The following SIPA1L1 variants were observed in gnomAD, a reference collection of about 807,000 sequenced individuals.
The protein encoded by SIPA1L1 is signal induced proliferation associated 1 like 1, also known as signal-induced proliferation-associated 1-like protein 1.
A neutral mutation model predicts 162.7 loss-of-function variants in SIPA1L1; 26 were observed. The ratio of observed to expected loss-of-function variants is 0.16; its 90% CI spans 0.12 to 0.22. The LOEUF is 0.22. Among genes scored for constraint, SIPA1L1 ranks in the 10% least tolerant of loss-of-function variants. The probability of loss-of-function intolerance (pLI) is 1.00; values close to 1 mark genes in which losing one functional copy is unlikely to be tolerated. For missense variants in SIPA1L1, 1,874 were observed against 2,241.0 expected, an observed-to-expected ratio of 0.84 and a Z score of 3.31; for synonymous variants, 829 against 837.4, an observed-to-expected ratio of 0.99 and a Z score of 0.17.
At chr14:71,577,841 G>T (rs569793728) in intron 4 of SIPA1L1, among the ~76,000 whole-genome samples, 89 of 145,220 alleles carry the variant, frequency 6.1e-4, no homozygotes, top group African/African-American at 2.3e-3. Context: ...AAGCAGCCCT[G>T]CCACCTCAGC....
chr14:71,623,455 A>G (rs1008303954), intron 6 of SIPA1L1, among the ~76,000 whole-genome samples: 2 of 152,228 alleles, frequency 1.3e-5, no homozygotes, highest in Admixed American at 1.3e-4. Flanking sequence ...TATTTTAAGA[A>G]GGGAAGGTAT....
chr14:71,352,565 A>G (rs1184856414), intron 2 of SIPA1L1, among the ~76,000 whole-genome samples: 1 of 152,114 alleles, frequency 6.6e-6, no homozygotes, highest in Non-Finnish European at 1.5e-5. Flanking sequence ...TGCTCTTACA[A>G]GTATTTGTAG....
intron 5 of SIPA1L1, among the ~76,000 whole-genome samples, chr14:71,595,337 T>G (rs1194273505): frequency 1.3e-5 from 2 of 152,234 alleles, no homozygotes; most frequent in Non-Finnish European, 2.9e-5. Flanking sequence ...TTTTAGAATT[T>G]GATGCCAGAA....
intron 2 of SIPA1L1, among the ~76,000 whole-genome samples, chr14:71,389,538 T>C (rs888448543): frequency 1.3e-5 from 2 of 152,228 alleles, no homozygotes; most frequent in Non-Finnish European, 2.9e-5. Flanking sequence ...ACCACTATTT[T>C]TTATATTTTG....
intron 7 of SIPA1L1, among the ~76,000 whole-genome samples, chr14:71,639,651 G>A (rs117915621): frequency 1.4e-3 from 210 of 152,314 alleles, no homozygotes; most frequent in Non-Finnish European, 2.5e-3. Context: ...TGTGGGAGAA[G>A]TTATTCTGTC....
Position 71,401,107 on chromosome 14 carries a change from A to G in SIPA1L1, c.-465+79926A>G, listed in dbSNP as rs561234002. Among the ~76,000 whole-genome samples the G allele has an allele frequency of 2.6e-5, 4 of 152,312 alleles. No homozygotes were observed. In the South Asian group the frequency reaches 6.2e-4, roughly 24 times the overall value. ...TTTTGAAAAGTAAATTTGATTGCTT[A>G]TGGGTATTCATCTTCTGATTTGTTG... On this transcript the variant is annotated intron_variant, in intron 2 of 23. Transcript: ENST00000381232.
chr14:71,650,474 G>A lies in SIPA1L1; in HGVS notation c.1958G>A (p.Gly653Glu). 1 of 1,614,154 alleles carries A rather than the reference G, an allele frequency of 6.2e-7. No homozygotes were observed. Among genetic ancestry groups the A allele is most frequent in the Non-Finnish European group, 8.5e-7 (1 of 1,180,002 alleles). Residue 653 changes from glycine to glutamate, a missense_variant, in exon 8 of 24, where the codon GGA (glycine) becomes GAA (glutamate). Gly to Glu is a moderately conservative substitution (Grantham distance 98, BLOSUM62 -2). Transcript: ENST00000381232. Reference sequence around the variant, plus strand: ...TTGGGAGAGCGAGTTCGGCTCAAAGGATTTGAGAAGTATCGAGCACAGCTT... The same window carrying A: ...TTGGGAGAGCGAGTTCGGCTCAAAGAATTTGAGAAGTATCGAGCACAGCTT... The part of the protein sequence containing the change: ...QLLGERVRLK[G>E]FEKYRAQLDT...
At chr14:71,633,230 G>A (rs953404434) in intron 7 of SIPA1L1, among the ~76,000 whole-genome samples, 3 of 152,232 alleles carry the variant, frequency 2.0e-5, no homozygotes, top group Non-Finnish European at 2.9e-5. Context: ...GCTTGATTTC[G>A]GCTCACTGCA....
chr14:71,418,333 T>C (rs1053592838), intron 2 of SIPA1L1: 3 of 152,230 alleles, frequency 2.0e-5, no homozygotes, highest in Non-Finnish European at 4.4e-5. Context: ...GGTACCATGT[T>C]GCCCACTTTC....
chr14:71,327,718 T>TC (rs1408768976), intron 2 of SIPA1L1, among the ~76,000 whole-genome samples: 1 of 152,210 alleles, frequency 6.6e-6, no homozygotes, highest in Non-Finnish European at 1.5e-5. Flanking sequence ...AAACACATGT[T>TC]CTTGAAATGT....
intron 4 of SIPA1L1, among the ~76,000 whole-genome samples, chr14:71,529,782 C>T (rs1048915961): frequency 1.2e-4 from 18 of 152,190 alleles, no homozygotes; most frequent in African/African-American, 4.1e-4. Context: ...CTGAGTGTTA[C>T]CTGGCCAGGG....
intron 2 of SIPA1L1, among the ~76,000 whole-genome samples, chr14:71,386,519 C>T (rs1009773854): frequency 6.6e-6 from 1 of 152,030 alleles, no homozygotes; most frequent in African/African-American, 2.4e-5. Flanking sequence ...CAAGTTGACA[C>T]TGAATATTAA....
chr14:71,339,357 T>C (rs1170026339), intron 2 of SIPA1L1, among the ~76,000 whole-genome samples: 1 of 136,072 alleles, frequency 7.3e-6, no homozygotes, highest in Non-Finnish European at 1.5e-5. Flanking sequence ...TCTTTACTTT[T>C]CTTTCTTTCT....
intron 2 of SIPA1L1, among the ~76,000 whole-genome samples, chr14:71,467,668 G>A (rs1165248610): frequency 6.6e-6 from 1 of 152,052 alleles, no homozygotes; most frequent in Non-Finnish European, 1.5e-5. Context: ...GTCATTTTGA[G>A]AGACAATGTC....
In SIPA1L1 at chr14:71,730,427, C is replaced by T. The variant is rs981938098; in HGVS notation, c.4861+126C>T. ...CATGCTCAGATGGTCTCAGCTCACC[C>T]GCCCCTTCCTCATTTGCCCTCTCTC... is the stretch of plus-strand genomic sequence containing the variant. On this transcript the variant is annotated intron_variant, in intron 20 of 23. Coordinates refer to ENST00000381232, the MANE Select transcript of SIPA1L1 (RefSeq NM_001386936.1). 5.8e-5 allele frequency: 63 copies of T among 1,082,002 alleles called. No homozygotes were observed. In the East Asian group the frequency reaches 9.1e-4, roughly 16 times the overall value. The allele number at this position is 1,082,002 out of a possible 1,614,324, so 67.0% of individuals were successfully genotyped here.
At chr14:71,492,969 C>T (rs868769577) in intron 2 of SIPA1L1, among the ~76,000 whole-genome samples, 17 of 151,936 alleles carry the variant, frequency 1.1e-4, no homozygotes, top group Non-Finnish European at 1.9e-4. Context: ...TTTGTTGTCC[C>T]GGAAGGCAGA....
At chr14:71,416,283 G>T (rs2042754292) in intron 2 of SIPA1L1, 2 of 152,074 alleles carry the variant, frequency 1.3e-5, no homozygotes, top group African/African-American at 4.8e-5. Flanking sequence ...CTAGATGCAA[G>T]TCCAGACAAT....
intron 4 of SIPA1L1, among the ~76,000 whole-genome samples, chr14:71,556,562 A>G (rs942301460): frequency 6.6e-6 from 1 of 152,244 alleles, no homozygotes; most frequent in African/African-American, 2.4e-5. Context: ...TTGCTGGAGC[A>G]GCTTACAGAA....
intron 8 of SIPA1L1, among the ~76,000 whole-genome samples, chr14:71,656,570 A>G (rs975572961): frequency 7.9e-5 from 12 of 152,202 alleles, no homozygotes; most frequent in Non-Finnish European, 1.0e-4. Flanking sequence ...TGTGATGGTC[A>G]TTAATACTTA....
Sources: allele counts gnomAD v4.1 joint callset (sites outside exome capture counted in the v4.1 genomes callset), GRCh38; gene constraint gnomAD v4.1.1; transcripts MANE v1.5; gene names NCBI Gene and HGNC (gene_info 2026-07-23, HGNC 2026-07-21).